DCP1B: variants seen among roughly 807,000 people sequenced by gnomAD.
DCP1B encodes mRNA-decapping enzyme 1B.
Under a neutral mutation model 60.5 loss-of-function variants are expected in DCP1B, and 47 were observed. The ratio of observed to expected loss-of-function variants is 0.78; its 90% confidence interval spans 0.61 to 0.99. DCP1B has a LOEUF of 0.99. DCP1B is among the 50% of genes least tolerant of loss of function. The pLI is 0.00. For synonymous variants in DCP1B, 267 were observed against 280.3 expected, an observed-to-expected ratio of 0.95 and a Z score of 0.47; for missense variants, 725 against 756.8, an observed-to-expected ratio of 0.96 and a Z score of 0.49.
intron 5 of DCP1B, among the ~76,000 whole-genome samples, chr12:1,963,131 T>C (rs1238768219): frequency 6.6e-6 from 1 of 152,262 alleles, no homozygotes; most frequent in Admixed American, 6.5e-5. Context: ...TTTGACATCT[T>C]ATCACATTAG....
intron 3 of DCP1B, among the ~76,000 whole-genome samples, chr12:1,976,489 G>A (rs1472454831): frequency 6.6e-6 from 1 of 152,066 alleles, no homozygotes; most frequent in Non-Finnish European, 1.5e-5. Context: ...TACCTATTCT[G>A]ACTAAATATG....
At chr12:1,995,364 C>T (rs2040555143) in intron 2 of DCP1B, among the ~76,000 whole-genome samples, 1 of 152,218 alleles carries the variant, frequency 6.6e-6, no homozygotes, top group South Asian at 2.1e-4. Flanking sequence ...TACAGTGCAA[C>T]CCTATGGCTT....
rs534852013 is a variant in DCP1B at position 1,946,095 on chromosome 12, C to G, written c.*111G>C. 8 of 813,596 alleles carry G rather than the reference C, an allele frequency of 9.8e-6. No homozygotes were observed. Among genetic ancestry groups the G allele is most frequent in the Middle Eastern group, 2.4e-4 (1 of 4,094 alleles). 50.4% of individuals were successfully genotyped at this position (813,596 alleles called of 1,614,324 possible). On this transcript the variant is annotated 3_prime_UTR_variant, in exon 9 of 9. Coordinates refer to ENST00000280665, the MANE Select transcript of DCP1B (RefSeq NM_152640.5). The stretch of plus-strand genomic sequence containing the variant: ...AACATTTTACTTCATATTACACATA[C>G]TTTTTTTTTAAAAAAGGCAGAAACA...
At chr12:2,002,683 G>A (rs992245294) in intron 1 of DCP1B, among the ~76,000 whole-genome samples, 2 of 152,200 alleles carry the variant, frequency 1.3e-5, no homozygotes, top group Non-Finnish European at 2.9e-5. Context: ...TCGAATCCCA[G>A]TGTCAAGTCA....
intron 5 of DCP1B, among the ~76,000 whole-genome samples, 172 bp downstream of exon 5, chr12:1,965,386 C>T (rs1338041136): frequency 1.3e-5 from 2 of 152,096 alleles, no homozygotes; most frequent in Non-Finnish European, 2.9e-5. Context: ...TAAAGGCAAA[C>T]AGTTTTCTTC....
At chr12:1,996,644 A>AC (rs2040924338) in intron 2 of DCP1B, among the ~76,000 whole-genome samples, 2 of 89,390 alleles carry the variant, frequency 2.2e-5, no homozygotes, top group South Asian at 3.3e-4. Context: ...AAAAAAAAAA[A>AC]AAAAAAAAAA....
chr12:1,992,435 G>GTTC (rs1360058647), intron 3 of DCP1B: 4 of 153,274 alleles, frequency 2.6e-5, no homozygotes, highest in African/African-American at 9.6e-5. Context: ...AGAGTAGGAT[G>GTTC]AAAAATATAC....
chr12:1,993,627 GGTGT>G lies in DCP1B; in HGVS notation c.192-240_192-237del, dbSNP rs150056084. ...TAAAATTGAGTCATACTTCATTTGTGGTGTGTGTGTGTGTGTGTGTGTGTGTGTG... is the reference window on the plus strand; with the variant it reads ...TAAAATTGAGTCATACTTCATTTGTGGTGTGTGTGTGTGTGTGTGTGTGTG... On this transcript the variant is annotated intron_variant, in intron 2 of 8. Transcript: ENST00000280665. Among the ~76,000 whole-genome samples the G allele has an allele frequency of 8.6e-3, 1,260 of 146,662 alleles. 10 individuals carry two copies. The highest frequency in any genetic ancestry group is 0.013 in the Non-Finnish European group (871 of 66,200).
intron 3 of DCP1B, 151 bp downstream of exon 3, chr12:1,993,111 CAT>C (rs2039877691): frequency 3.2e-6 from 3 of 935,748 alleles, no homozygotes; most frequent in Non-Finnish European, 5.3e-6. Flanking sequence ...ATCATTAGGG[CAT>C]GCATTTCCTA....
intron 4 of DCP1B, among the ~76,000 whole-genome samples, chr12:1,967,140 G>T (rs894132058): frequency 6.6e-6 from 1 of 152,220 alleles, no homozygotes; most frequent in African/African-American, 2.4e-5. Flanking sequence ...ACCAACTGCA[G>T]AGCAGAGAAC....
chr12:1,957,238 G>T (rs780070688), intron 5 of DCP1B, among the ~76,000 whole-genome samples: 34 of 152,152 alleles, frequency 2.2e-4, no homozygotes, highest in Non-Finnish European at 4.6e-4. Context: ...AGAACCTGAG[G>T]CATTTCTTTA....
intron 1 of DCP1B, 192 bp downstream of exon 1, chr12:2,004,090 T>A: frequency 2.7e-6 from 2 of 743,146 alleles, no homozygotes; most frequent in East Asian, 2.8e-5. Context: ...TCCAGGTAGC[T>A]CCACAGATCC....
At chr12:1,999,568 T>G (rs971046554) in intron 1 of DCP1B, among the ~76,000 whole-genome samples, 3 of 151,782 alleles carry the variant, frequency 2.0e-5, no homozygotes, top group Admixed American at 6.6e-5. Flanking sequence ...AAAACAAAAA[T>G]TTTTTTAATT....
rs1469093377 is a variant in DCP1B at position 1,952,836 on chromosome 12, C to T, written c.1104G>A (p.Lys368=). The T allele has an allele frequency of 6.2e-7, 1 of 1,614,194 alleles. No homozygotes were observed. Among genetic ancestry groups the T allele is most frequent in the East Asian group, 2.2e-5 (1 of 44,872 alleles). The change falls in exon 7 of 9, where the codon AAG becomes AAA. Residue 368 remains lysine (K), a synonymous_variant. Coordinates refer to ENST00000280665, the MANE Select transcript of DCP1B (RefSeq NM_152640.5). ...CAGGTGCTGGTGTACTAGGGTCACA[C>T]TTGTTTGCTGCCCCTGGGGTACTCT... ...KLQSTPGAAN[K]CDPSTPAPAS...
rs554758411 is a variant in DCP1B at position 1,963,797 on chromosome 12, T to C, written c.522+1761A>G. Among the ~76,000 whole-genome samples, 7 of 152,368 alleles carry C rather than the reference T, an allele frequency of 4.6e-5. No homozygotes were observed. In the East Asian group the frequency reaches 1.3e-3, roughly 29 times the overall value. On this transcript the variant is annotated intron_variant, in intron 5 of 8. Transcript: ENST00000280665. ...CAATCTGGGTGATATAGATGCTTAC[T>C]GCTACTGAGTTAGTCACTTTTATTT...
chr12:1,954,752 G>C (rs372388683), intron 6 of DCP1B, among the ~76,000 whole-genome samples: 1 of 152,132 alleles, frequency 6.6e-6, no homozygotes, highest in East Asian at 1.9e-4. Flanking sequence ...TGTGTCCTTG[G>C]TGGTTCTCCC....
At chr12:1,966,963 C>A (rs1001441777) in intron 4 of DCP1B, among the ~76,000 whole-genome samples, 4 of 152,170 alleles carry the variant, frequency 2.6e-5, no homozygotes, top group Non-Finnish European at 5.9e-5. Flanking sequence ...CAGTGTCATA[C>A]CCATGTGGCA....
chr12:2,002,008 C>CG (rs915135131), intron 1 of DCP1B, among the ~76,000 whole-genome samples: 2 of 152,124 alleles, frequency 1.3e-5, no homozygotes, highest in African/African-American at 2.4e-5. Flanking sequence ...ATTTTGGAGG[C>CG]GGGGGGCAGT....
At chr12:1,951,036 C>A (rs1349357801) in intron 7 of DCP1B, among the ~76,000 whole-genome samples, 1 of 152,128 alleles carries the variant, frequency 6.6e-6, no homozygotes, top group Non-Finnish European at 1.5e-5. Context: ...CTCTGAGAGC[C>A]CGAGGTGGGT....
Sources: allele counts gnomAD v4.1 joint callset (sites outside exome capture counted in the v4.1 genomes callset), GRCh38; gene constraint gnomAD v4.1.1; transcripts MANE v1.5; gene names NCBI Gene and HGNC (gene_info 2026-07-23, HGNC 2026-07-21).